ANOS1: variants seen among roughly 807,000 people sequenced by gnomAD.
The protein encoded by ANOS1 is anosmin-1.
Under a neutral mutation model 59.0 loss-of-function variants are expected in ANOS1, and 6 were observed. The observed-to-expected ratio is 0.10, with a 90% CI of 0.06 to 0.20. The LOEUF is 0.20. ANOS1 is among the 10% of genes least tolerant of loss of function. The pLI is 1.00. For synonymous variants in ANOS1, 217 were observed against 223.4 expected (o/e 0.97, Z 0.25); for missense variants, 433 against 542.3 (o/e 0.80, Z 2.00).
rs568502822 is a variant in ANOS1 at position 8,599,283 on chromosome X, T to C, written c.319-2027A>G. Among the ~76,000 whole-genome samples, 51 of 112,110 alleles carry C rather than the reference T, an allele frequency of 4.5e-4. No individual in the cohort carries two copies. In the South Asian group the frequency reaches 0.019, roughly 41 times the overall value. ...AACAAGGAGGACACTTTCTGTTTATTTGATGTCACAACAGGGTTAGGAATA... is the reference window on the plus strand; with the variant it reads ...AACAAGGAGGACACTTTCTGTTTATCTGATGTCACAACAGGGTTAGGAATA... On this transcript the variant is annotated intron_variant, in intron 3 of 13. Coordinates refer to ENST00000262648, the MANE Select transcript of ANOS1 (RefSeq NM_000216.4).
intron 1 of ANOS1, among the ~76,000 whole-genome samples, chrX:8,706,669 T>C (rs2146902987): frequency 8.9e-6 from 1 of 111,858 alleles, no homozygotes; most frequent in Non-Finnish European, 1.9e-5. Flanking sequence ...GGATATTCTC[T>C]GTACCTTCTG....
rs1601979424 is a variant in ANOS1 at position 8,613,693 on chromosome X, T to C, written c.318+9915A>G. On this transcript the variant is annotated intron_variant, in intron 3 of 13. Transcript: ENST00000262648. Reference sequence around the variant, plus strand: ...TCTCACTCTGTCACCCTGGCTAGAGTGCAGTGGCACAAACATGGCTCACTG... The same window carrying C: ...TCTCACTCTGTCACCCTGGCTAGAGCGCAGTGGCACAAACATGGCTCACTG... Among the ~76,000 whole-genome samples, 5 of 110,769 alleles carry C rather than the reference T, an allele frequency of 4.5e-5. No individual in the cohort carries two copies. The Admixed American group carries it at 4.8e-4, about 11-fold the overall frequency.
intron 6 of ANOS1, among the ~76,000 whole-genome samples, chrX:8,583,045 T>G (rs182235896): frequency 9.0e-6 from 1 of 111,096 alleles, no homozygotes; most frequent in Non-Finnish European, 1.9e-5. Context: ...GAAAAGTCCT[T>G]AATTTCCTTG....
intron 2 of ANOS1, among the ~76,000 whole-genome samples, chrX:8,656,796 C>A (rs1931938784): frequency 9.0e-6 from 1 of 111,138 alleles, no homozygotes; most frequent in Non-Finnish European, 1.9e-5. Flanking sequence ...CCTCAGATGA[C>A]CATATGTTCC....
intron 3 of ANOS1, among the ~76,000 whole-genome samples, chrX:8,619,528 T>C (rs377435479): frequency 1.8e-5 from 2 of 110,784 alleles, no homozygotes; most frequent in Non-Finnish European, 3.8e-5. Flanking sequence ...TGCTGGAACC[T>C]GGGAGGCAGA....
rs752176673 is a variant in ANOS1 at position 8,610,992 on chromosome X, A to G, written c.318+12616T>C. Among the ~76,000 whole-genome samples the G allele has an allele frequency of 1.3e-4, 14 of 111,108 alleles. No homozygotes were observed. In the South Asian group the frequency reaches 4.9e-3, roughly 39 times the overall value. On this transcript the variant is annotated intron_variant, in intron 3 of 13. Coordinates refer to ENST00000262648, the MANE Select transcript of ANOS1 (RefSeq NM_000216.4). ...ATAAAATGGGAAAAAAGGGATCTACAGAAGCAGGACCAGAAATTATAGAAA... is the reference window on the plus strand; with the variant it reads ...ATAAAATGGGAAAAAAGGGATCTACGGAAGCAGGACCAGAAATTATAGAAA...
At chrX:8,586,788 G>GTT (rs927453634) in intron 5 of ANOS1, among the ~76,000 whole-genome samples, 23 of 101,910 alleles carry the variant, frequency 2.3e-4, no homozygotes, top group African/African-American at 8.1e-4. Context: ...ATTTGACCAG[G>GTT]TTTTTTTTTT....
chrX:8,597,861 G>A, intron 3 of ANOS1, among the ~76,000 whole-genome samples: 1 of 108,368 alleles, frequency 9.2e-6, no homozygotes, highest in Non-Finnish European at 1.9e-5. Flanking sequence ...GTAGAAATGA[G>A]GTCTTGCTAT....
chrX:8,666,716 C>G (rs988776435), intron 2 of ANOS1, among the ~76,000 whole-genome samples: 2 of 112,269 alleles, frequency 1.8e-5, no homozygotes, highest in Non-Finnish European at 3.8e-5. Flanking sequence ...AATGGACAGA[C>G]TGTTTTTGTA....
chrX:8,611,732 AC>A (rs998266203), intron 3 of ANOS1, among the ~76,000 whole-genome samples: 5 of 111,608 alleles, frequency 4.5e-5, no homozygotes, highest in Non-Finnish European at 7.5e-5. Context: ...AGAATTTTAT[AC>A]CCATGAAATA....
At position 8,546,395 on chromosome X, in the gene ANOS1, G is replaced by A. The variant is rs753589776; in HGVS notation, c.1355-6637C>T. 1.9e-3 allele frequency among the ~76,000 whole-genome samples: 214 copies of A among 112,432 alleles called. 1 individual carries two copies. The highest frequency in any genetic ancestry group is 3.2e-3 in the Non-Finnish European group (170 of 53,292). On this transcript the variant is annotated intron_variant, in intron 9 of 13. Coordinates refer to ENST00000262648, the MANE Select transcript of ANOS1 (RefSeq NM_000216.4). ...TCATGAGCTCTGCTACAATTTATAT[G>A]TTCATTTGGCTTTCAGATTTAAAAT...
intron 2 of ANOS1, among the ~76,000 whole-genome samples, chrX:8,648,080 A>C (rs767620738): frequency 3.6e-5 from 4 of 112,570 alleles, no homozygotes; most frequent in Non-Finnish European, 7.5e-5. Context: ...TAGACAAAAC[A>C]ATTAAAATAA....
At chrX:8,721,613 T>A (rs1471160202) in intron 1 of ANOS1, among the ~76,000 whole-genome samples, 1 of 111,940 alleles carries the variant, frequency 8.9e-6, no homozygotes, top group African/African-American at 3.2e-5. Flanking sequence ...CTCCTTTTCC[T>A]CCCTTCTTCT....
intron 2 of ANOS1, among the ~76,000 whole-genome samples, chrX:8,651,652 A>G (rs1931852518): frequency 8.9e-6 from 1 of 112,260 alleles, no homozygotes; most frequent in Non-Finnish European, 1.9e-5. Flanking sequence ...GGCTTCCACA[A>G]GGTCACTCAA....
chrX:8,543,206 G>T (rs1929714830), intron 9 of ANOS1, among the ~76,000 whole-genome samples: 1 of 109,974 alleles, frequency 9.1e-6, no homozygotes, highest in Non-Finnish European at 1.9e-5. Flanking sequence ...ACTCATTCTG[G>T]CAACAGTGAA....
At chrX:8,558,306 C>G (rs937940847) in intron 8 of ANOS1, among the ~76,000 whole-genome samples, 1 of 110,946 alleles carries the variant, frequency 9.0e-6, no homozygotes, top group Non-Finnish European at 1.9e-5. Flanking sequence ...ATGTATCCCA[C>G]AACTTCATTA....
chrX:8,620,720 CTTGAG>C (rs968095802), intron 3 of ANOS1, among the ~76,000 whole-genome samples: 4 of 112,201 alleles, frequency 3.6e-5, no homozygotes, highest in African/African-American at 6.5e-5. Context: ...AACATCAAGT[CTTGAG>C]TTATTTAACC....
At chrX:8,623,734 G>T (rs1213774863) in intron 2 of ANOS1, 64 bp from the exon 3 acceptor site, 16 of 867,017 alleles carry the variant, frequency 1.8e-5, no homozygotes, top group Admixed American at 5.0e-5. Flanking sequence ...GAGGAAAAAA[G>T]AATTCACCTG....
In ANOS1 at chrX:8,532,001, T is replaced by A. The variant is rs1245802819; in HGVS notation, c.*994A>T. ...TTAAATGCAAATAACTGTCCTTCTC[T>A]ATCAATCAAAGGAATTTTTAAAACA... On this transcript the variant is annotated 3_prime_UTR_variant, in exon 14 of 14. Coordinates refer to ENST00000262648, the MANE Select transcript of ANOS1 (RefSeq NM_000216.4). 8.9e-6 allele frequency: 1 copy of A among 111,757 alleles called. No individual in the cohort carries two copies. Among genetic ancestry groups the A allele is most frequent in the Non-Finnish European group, 1.9e-5 (1 of 53,168 alleles). The allele number at this position is 111,757 out of a possible 1,213,427, so 9.2% of individuals were successfully genotyped here.
Sources: gnomAD v4.1 joint callset for allele counts (sites outside exome capture counted in the v4.1 genomes callset) on GRCh38, gnomAD v4.1.1 for gene constraint, MANE v1.5 for transcripts, NCBI Gene and HGNC (gene_info 2026-07-23, HGNC 2026-07-21) for gene names.